The following D2HGDH variants were observed in gnomAD, a reference collection of about 807,000 sequenced individuals.
The protein encoded by D2HGDH is D-2-hydroxyglutarate dehydrogenase, also known as D-2-hydroxyglutarate dehydrogenase, mitochondrial.
A neutral mutation model predicts 46.9 loss-of-function variants in D2HGDH; 31 were observed. That is an observed-to-expected ratio of 0.66 (90% CI 0.50 to 0.89). The LOEUF is 0.89. Among genes scored for constraint, D2HGDH ranks in the 40% least tolerant of loss-of-function variants. The pLI, the probability that D2HGDH is intolerant of heterozygous loss-of-function variation, is 0.00. For missense variants in D2HGDH, 698 were observed against 720.8 expected, an observed-to-expected ratio of 0.97 and a Z score of 0.36; for synonymous variants, 364 against 332.6, an observed-to-expected ratio of 1.09 and a Z score of -1.03.
At chr2:241,747,546 G>GTTT (rs760885558) in intron 6 of D2HGDH, among the ~76,000 whole-genome samples, 43,377 of 136,358 alleles carry the variant, frequency 0.32, 7,631 homozygotes, top group African/African-American at 0.46. Flanking sequence ...TCAGGAGAGT[G>GTTT]TTTTTTTTTT....
chr2:241,759,097 AT>A (rs1371971593), intron 9 of D2HGDH, among the ~76,000 whole-genome samples: 7 of 152,052 alleles, frequency 4.6e-5, no homozygotes, highest in Non-Finnish European at 1.0e-4. Context: ...ATCAGATCAG[AT>A]TTTTGAAACT....
chr2:241,746,611 T>C (rs1365516151), intron 6 of D2HGDH, among the ~76,000 whole-genome samples: 2 of 152,028 alleles, frequency 1.3e-5, no homozygotes, highest in African/African-American at 2.4e-5. Flanking sequence ...AAAATTAGGC[T>C]GGGCACAGTA....
intron 6 of D2HGDH, chr2:241,748,841 GCTCTGATCCCA>G (rs1696556264): frequency 7.9e-7 from 1 of 1,264,618 alleles, no homozygotes; most frequent in East Asian, 6.7e-5. Context: ...TCTGTGTTCT[GCTCTGATCCCA>G]CTCCAACTGC....
At chr2:241,757,648 CCT>C (rs1698314358) in intron 9 of D2HGDH, among the ~76,000 whole-genome samples, 3 of 152,232 alleles carry the variant, frequency 2.0e-5, no homozygotes, top group Admixed American at 2.0e-4. Context: ...TGGAATGAGC[CCT>C]CTGTTACTTT....
chr2:241,740,921 CAG>C, intron 2 of D2HGDH, 110 bp from the exon 3 acceptor site: 1 of 838,590 alleles, frequency 1.2e-6, no homozygotes, highest in Non-Finnish European at 2.0e-6. Flanking sequence ...GCCTGGGCAA[CAG>C]AGTGAGAGTC....
Position 241,749,010 on chromosome 2 carries a change from T to A in D2HGDH, c.854-1141T>A, listed in dbSNP as rs540568359. The A allele has an allele frequency of 1.4e-4, 161 of 1,143,074 alleles. No individual in the cohort carries two copies. In the African/African-American group the frequency reaches 2.8e-3, roughly 20 times the overall value. 70.8% of individuals were successfully genotyped at this position (1,143,074 alleles called of 1,614,324 possible). On this transcript the variant is annotated intron_variant, in intron 6 of 9. Transcript: ENST00000321264. ...TCTAAGCCGGGTGGAACAGGCCCTG[T>A]GAGGATGGTCCTGGTGTCCCTCGTG...
intron 6 of D2HGDH, among the ~76,000 whole-genome samples, chr2:241,747,544 G>C (rs1162094112): frequency 1.1e-5 from 1 of 90,228 alleles, no homozygotes; most frequent in Non-Finnish European, 2.1e-5. Context: ...TATCAGGAGA[G>C]TGTTTTTTTT....
chr2:241,737,445 A>G (rs1455647736), intron 2 of D2HGDH, among the ~76,000 whole-genome samples: 2 of 152,234 alleles, frequency 1.3e-5, no homozygotes, highest in Non-Finnish European at 2.9e-5. Context: ...GGGACTTCTC[A>G]GCCTCTGGGG....
Position 241,743,775 on chromosome 2 carries a change from G to A in D2HGDH, c.644G>A (p.Arg215Gln). 2.5e-6 allele frequency: 4 copies of A among 1,609,442 alleles called. No individual in the cohort carries two copies. Among genetic ancestry groups the A allele is most frequent in the South Asian group, 1.1e-5 (1 of 90,180 alleles). The stretch of plus-strand genomic sequence containing the variant: ...AACGCTGGAGGCCTGCGGTTTCTTC[G>A]ATATGGCTCACTGCATGGGACTGTC... Reference protein sequence around the residue: ...ATNAGGLRFLRYGSLHGTVLG... With the variant: ...ATNAGGLRFLQYGSLHGTVLG... Residue 215 changes from arginine (R) to glutamine (Q), a missense_variant, in exon 5 of 10, where the codon CGA becomes CAA. Physicochemically the swap from Arg to Gln is conservative, Grantham distance 43. Transcript: ENST00000321264. This position sits in a 1 kb window ranked among gnomAD's most constrained non-coding sequence, Gnocchi z 4.8.
At chr2:241,739,084 A>T (rs1221279042) in intron 2 of D2HGDH, among the ~76,000 whole-genome samples, 1 of 152,088 alleles carries the variant, frequency 6.6e-6, no homozygotes, top group African/African-American at 2.4e-5. Context: ...CCCCTGTGTC[A>T]CCTCTGGCGG....
chr2:241,747,201 G>A (rs982946399), intron 6 of D2HGDH, among the ~76,000 whole-genome samples: 24 of 152,214 alleles, frequency 1.6e-4, no homozygotes, highest in African/African-American at 5.8e-4. Flanking sequence ...GGTTATAGGT[G>A]TGAGCCTGAG....
At chr2:241,759,472 ACTTT>A (rs199568359) in intron 9 of D2HGDH, among the ~76,000 whole-genome samples, 1,824 of 152,268 alleles carry the variant, frequency 0.012, 13 homozygotes, top group Non-Finnish European at 0.019. Flanking sequence ...AGTGATGCTA[ACTTT>A]CTTTTATTTA....
intron 6 of D2HGDH, among the ~76,000 whole-genome samples, chr2:241,745,744 G>T (rs537984464): frequency 2.6e-5 from 4 of 152,288 alleles, no homozygotes; most frequent in African/African-American, 9.6e-5. Context: ...TGCAGTAAAG[G>T]TCTCCTGGTG....
At chr2:241,735,002 C>T (rs1034612146) in intron 1 of D2HGDH, 131 bp from the exon 2 acceptor site, 2 of 541,700 alleles carry the variant, frequency 3.7e-6, no homozygotes, top group Non-Finnish European at 6.2e-6. Flanking sequence ...GGGTTGCGGC[C>T]CGGGCAGGGG....
At chr2:241,755,358 T>G in intron 8 of D2HGDH, 1 of 1,303,632 alleles carries the variant, frequency 7.7e-7, no homozygotes, top group Non-Finnish European at 1.0e-6. Flanking sequence ...CCTGTGTGAC[T>G]CTGCGCCCCC....
intron 2 of D2HGDH, among the ~76,000 whole-genome samples, chr2:241,740,396 C>T (rs1694115573): frequency 6.6e-6 from 1 of 152,202 alleles, no homozygotes; most frequent in South Asian, 2.1e-4. Context: ...CCGACCTCAC[C>T]ACAAGTGGGT....
chr2:241,752,512 C>T lies in D2HGDH; in HGVS notation c.1140+1124C>T, dbSNP rs536661659. ...ACACGAACAGAGGCTCACCCTCCCT[C>T]GCGTTCCGTGTGGGTGATCGCTGTG... On this transcript the variant is annotated intron_variant, in intron 8 of 9. Coordinates refer to ENST00000321264, the MANE Select transcript of D2HGDH (RefSeq NM_152783.5). 1.2e-4 allele frequency among the ~76,000 whole-genome samples: 18 copies of T among 152,248 alleles called. 2 individuals are homozygous for T. In the East Asian group the frequency reaches 1.7e-3, roughly 15 times the overall value.
At position 241,751,457 on chromosome 2, in the gene D2HGDH, G is replaced by A. The variant is rs969800186; in HGVS notation, c.1140+69G>A. 10 of 1,594,562 alleles carry A rather than the reference G, an allele frequency of 6.3e-6. No individual in the cohort carries two copies. In the African/African-American group the frequency reaches 1.3e-4, roughly 21 times the overall value. On this transcript the variant is annotated intron_variant, in intron 8 of 9. Coordinates refer to ENST00000321264, the MANE Select transcript of D2HGDH (RefSeq NM_152783.5). ...AGTCCAGCCTTGTCTTGGGATGCCTGGAACGGTCATTGGTGCAGCCTAGAC... is the reference window on the plus strand; with the variant it reads ...AGTCCAGCCTTGTCTTGGGATGCCTAGAACGGTCATTGGTGCAGCCTAGAC...
chr2:241,743,473 C>A lies in D2HGDH; in HGVS notation c.491-149C>A. 1 of 807,058 alleles carries A rather than the reference C, an allele frequency of 1.2e-6. No individual in the cohort carries two copies. The highest frequency in any genetic ancestry group is 2.0e-6 in the Non-Finnish European group (1 of 500,168). The allele number at this position is 807,058 out of a possible 1,614,324, so 50.0% of individuals were successfully genotyped here. On this transcript the variant is annotated intron_variant, in intron 4 of 9. Transcript: ENST00000321264. The surrounding 1 kb of genome is among the most constrained non-coding windows in gnomAD (Gnocchi z 4.8). ...CCAGATGTTTTCGTCCTTGGGCCAG[C>A]GATGTGGGGGTGCCTCTTCTCCTCA...
Sources: allele counts gnomAD v4.1 joint callset (sites outside exome capture counted in the v4.1 genomes callset), GRCh38; gene constraint gnomAD v4.1.1; non-coding constraint Gnocchi (gnomAD v3.1); transcripts MANE v1.5; gene names NCBI Gene and HGNC (gene_info 2026-07-23, HGNC 2026-07-21).